Variants in LUZP1 observed in about 807,000 individuals in gnomAD.
LUZP1 encodes leucine zipper protein 1.
LUZP1 carries 25 observed loss-of-function variants against 71.3 expected under a neutral mutation model. The ratio of observed to expected loss-of-function variants is 0.35; its 90% CI spans 0.26 to 0.49. The LOEUF (loss-of-function observed/expected upper bound fraction) is 0.49, where lower values mean the gene tolerates loss of function less well. Ranked by LOEUF, LUZP1 falls within the 20% of genes least tolerant of loss-of-function variation. The pLI is 0.99. For synonymous variants in LUZP1, 481 were observed against 506.4 expected (o/e 0.95, Z 0.67); for missense variants, 1,142 against 1,300.8 (o/e 0.88, Z 1.88).
intron 3 of LUZP1, among the ~76,000 whole-genome samples, chr1:23,106,949 G>T (rs1002577085): frequency 6.6e-6 from 1 of 152,184 alleles, no homozygotes; most frequent in African/African-American, 2.4e-5. Flanking sequence ...CACTCCAAAG[G>T]TGTCACATGG....
At chr1:23,085,230 G>GC (rs1195740127) in exon 5 of LUZP1, 1 of 152,544 alleles carries the variant, frequency 6.6e-6, no homozygotes, top group South Asian at 2.1e-4. Context: ...CCAACAGGCT[G>GC]CCCCCAACAA....
intron 2 of LUZP1, among the ~76,000 whole-genome samples, chr1:23,118,590 A>C (rs898366621): frequency 6.6e-6 from 1 of 152,202 alleles, no homozygotes; most frequent in Non-Finnish European, 1.5e-5. Context: ...ATGTGAAAGT[A>C]CTTTGTACAC....
chr1:23,118,958 C>T (rs12408468), intron 2 of LUZP1, among the ~76,000 whole-genome samples: 22,350 of 152,120 alleles, frequency 0.15, 1,951 homozygotes, highest in South Asian at 0.32. Flanking sequence ...TGTATCTCTA[C>T]TTGAGCAATT....
intron 2 of LUZP1, among the ~76,000 whole-genome samples, chr1:23,122,679 C>T (rs1310628882): frequency 6.6e-6 from 1 of 152,208 alleles, no homozygotes; most frequent in African/African-American, 2.4e-5. Flanking sequence ...TTTCTGCAAA[C>T]TAAAAATAAC....
chr1:23,144,376 T>A (rs111563716), intron 2 of LUZP1, among the ~76,000 whole-genome samples: 3 of 152,122 alleles, frequency 2.0e-5, no homozygotes, highest in Non-Finnish European at 4.4e-5. Flanking sequence ...AAAAAAGCCC[T>A]AGAAATACTT....
At chr1:23,157,873 A>G (rs1003949929) in intron 2 of LUZP1, among the ~76,000 whole-genome samples, 1 of 151,372 alleles carries the variant, frequency 6.6e-6, no homozygotes, top group Admixed American at 6.6e-5. Context: ...TTAGCCAGGC[A>G]TGGTGGCATG....
chr1:23,159,402 C>G (rs964082478), intron 2 of LUZP1, among the ~76,000 whole-genome samples: 13 of 152,254 alleles, frequency 8.5e-5, no homozygotes, highest in Admixed American at 6.5e-4. Context: ...AGAATTAATT[C>G]ATGCCAAAGA....
chr1:23,089,017 T>C, exon 5 of LUZP1: 1 of 1,614,144 alleles, frequency 6.2e-7, no homozygotes, highest in South Asian at 1.1e-5. Context: ...TGCAGTTGCC[T>C]GTAGACACTG....
chr1:23,105,219 G>A (rs1643971015), intron 3 of LUZP1, among the ~76,000 whole-genome samples: 1 of 152,206 alleles, frequency 6.6e-6, no homozygotes, highest in African/African-American at 2.4e-5. Context: ...GGGTAAAAGG[G>A]TGGGATGGAT....
At chr1:23,088,939 C>T (rs200527448) in exon 5 of LUZP1, 28 of 1,614,046 alleles carry the variant, frequency 1.7e-5, no homozygotes, top group East Asian at 6.7e-5. Context: ...AATCGTTCCT[C>T]GGCCCGTACT....
rs1000948918 is a variant in LUZP1 at position 23,164,537 on chromosome 1, A to G, written c.-226+4229T>C. 5.9e-5 allele frequency among the ~76,000 whole-genome samples: 9 copies of G among 152,196 alleles called. No homozygotes were observed. The East Asian group carries it at 1.7e-3, about 29-fold the overall frequency. On this transcript the variant is annotated intron_variant, in intron 2 of 4. Transcript: ENST00000302291. ...CCATACAGAAACAGAATGAATAAAG[A>G]TAAAATCAAAAAATAAAGAGAAGGT...
At chr1:23,092,258 A>C (rs1274702816) in exon 4 of LUZP1, 1 of 1,614,040 alleles carries the variant, frequency 6.2e-7, no homozygotes, top group East Asian at 2.2e-5. Context: ...TGGCAGTAAC[A>C]AGAGATGCTA....
intron 2 of LUZP1, among the ~76,000 whole-genome samples, chr1:23,158,797 T>C (rs1644441130): frequency 6.7e-6 from 1 of 149,774 alleles, no homozygotes; most frequent in Non-Finnish European, 1.5e-5. Context: ...TGAAACACCG[T>C]CTCTACTAAA....
chr1:23,132,580 A>C (rs1455789445), intron 2 of LUZP1, among the ~76,000 whole-genome samples: 1 of 152,110 alleles, frequency 6.6e-6, no homozygotes, highest in Non-Finnish European at 1.5e-5. Flanking sequence ...TGGGCTGATA[A>C]AGAAAAACAA....
chr1:23,158,930 C>T (rs1644442125), intron 2 of LUZP1, among the ~76,000 whole-genome samples: 2 of 142,728 alleles, frequency 1.4e-5, no homozygotes, highest in South Asian at 2.2e-4. Context: ...GAGCAAGACT[C>T]CATCTCAAAA....
intron 2 of LUZP1, among the ~76,000 whole-genome samples, chr1:23,139,106 A>G (rs1644283432): frequency 6.9e-6 from 1 of 145,106 alleles, no homozygotes; most frequent in Non-Finnish European, 1.5e-5. Flanking sequence ...GATTATATAT[A>G]GATATAGATT....
chr1:23,088,951 G>A lies in LUZP1; in HGVS notation c.3175C>T (p.Arg1059Ter), dbSNP rs750500052. ...CGTAATCGTTCCTCGGCCCGTACTCGCCCAGACTCTGGCAGCCCCTGCTTC... is the reference window on the plus strand; with the variant it reads ...CGTAATCGTTCCTCGGCCCGTACTCACCCAGACTCTGGCAGCCCCTGCTTC... The change falls in exon 5 of 5, where the codon CGA becomes TGA. Residue 1059 changes from arginine (R) to a stop codon, truncating the protein, a stop_gained. Transcript: ENST00000302291. LOFTEE classifies it high-confidence loss of function. 2.2e-5 allele frequency: 36 copies of A among 1,614,106 alleles called. No individual in the cohort carries two copies. Among genetic ancestry groups the A allele is most frequent in the Non-Finnish European group, 2.8e-5 (33 of 1,180,000 alleles).
intron 3 of LUZP1, among the ~76,000 whole-genome samples, chr1:23,105,960 G>A (rs988062118): frequency 6.6e-6 from 1 of 151,910 alleles, no homozygotes; most frequent in African/African-American, 2.4e-5. Context: ...ATCCTCCAGC[G>A]ACCTAGGAAT....
At chr1:23,118,306 G>A (rs538247519) in intron 2 of LUZP1, among the ~76,000 whole-genome samples, 260 of 152,072 alleles carry the variant, frequency 1.7e-3, no homozygotes, top group Middle Eastern at 3.4e-3. Context: ...CTGAGGCAAC[G>A]AGAATTGCTT....
Sources: allele counts gnomAD v4.1 joint callset (sites outside exome capture counted in the v4.1 genomes callset), GRCh38; gene constraint gnomAD v4.1.1; transcripts MANE v1.5; gene names NCBI Gene and HGNC (gene_info 2026-07-23, HGNC 2026-07-21).